The following L3MBTL4 variants were observed in gnomAD, a reference collection of about 807,000 sequenced individuals.
The protein encoded by L3MBTL4 is lethal(3)malignant brain tumor-like protein 4.
In L3MBTL4, 70 loss-of-function variants were observed where a neutral mutation model predicts 84.5. That is an observed-to-expected ratio of 0.83 (90% confidence interval 0.68 to 1.01). The LOEUF is 1.01. Ranked by LOEUF, L3MBTL4 falls within the 50% of genes least tolerant of loss-of-function variation. The probability of loss-of-function intolerance (pLI) is 0.00; values close to 1 mark genes in which losing one functional copy is unlikely to be tolerated. For synonymous variants in L3MBTL4, 274 were observed against 259.8 expected (o/e 1.05, Z -0.52); for missense variants, 715 against 754.8 (o/e 0.95, Z 0.62).
intron 16 of L3MBTL4, chr18:6,030,379 C>T (rs898062947): frequency 2.0e-6 from 2 of 985,210 alleles, no homozygotes; most frequent in African/African-American, 1.7e-5. Context: ...GAGAATTAGA[C>T]TGTGAAATGA....
chr18:6,270,110 CA>C (rs1398201956), intron 4 of L3MBTL4, among the ~76,000 whole-genome samples: 1 of 152,174 alleles, frequency 6.6e-6, no homozygotes, highest in Non-Finnish European at 1.5e-5. Context: ...CAACCAACCA[CA>C]CTGTTATAAA....
intron 16 of L3MBTL4, among the ~76,000 whole-genome samples, chr18:6,080,658 G>C (rs1276796186): frequency 2.0e-5 from 3 of 152,192 alleles, no homozygotes; most frequent in African/African-American, 7.2e-5. Context: ...AGAGATCATA[G>C]AGTCCAGTCC....
intron 16 of L3MBTL4, among the ~76,000 whole-genome samples, chr18:6,023,135 C>T (rs1653371685): frequency 6.6e-6 from 1 of 152,208 alleles, no homozygotes; most frequent in Admixed American, 6.5e-5. Context: ...CTGTTTCCTG[C>T]TCCTTTCCAG....
intron 5 of L3MBTL4, among the ~76,000 whole-genome samples, chr18:6,261,681 G>C (rs917534747): frequency 6.6e-6 from 1 of 152,180 alleles, no homozygotes; most frequent in Non-Finnish European, 1.5e-5. Flanking sequence ...AATCCCACGT[G>C]TGTTCTTTTG....
rs117312693 is a variant in L3MBTL4, at chr18:6,201,097, A to G, written c.981+12052T>C. Among the ~76,000 whole-genome samples, 421 of 152,344 alleles carry G rather than the reference A, an allele frequency of 2.8e-3. 1 individual carries two copies. The highest frequency in any genetic ancestry group is 4.6e-3 in the Non-Finnish European group (315 of 68,028). On this transcript the variant is annotated intron_variant, in intron 12 of 18. Coordinates refer to ENST00000317931, the MANE Select transcript of L3MBTL4 (RefSeq NM_001330559.2). Reference sequence around the variant, plus strand: ...GTACTCGGGTAATCAAGGGATAAAAATGCTCCTTCCACTAACTTACATTCT... The same window carrying G: ...GTACTCGGGTAATCAAGGGATAAAAGTGCTCCTTCCACTAACTTACATTCT...
intron 12 of L3MBTL4, among the ~76,000 whole-genome samples, chr18:6,176,748 G>A (rs1222749566): frequency 6.6e-6 from 1 of 151,728 alleles, no homozygotes; most frequent in African/African-American, 2.4e-5. Flanking sequence ...AAATCACCAA[G>A]AAAAATATGA....
Position 6,139,355 on chromosome 18 carries a change from T to C in L3MBTL4, c.1097-1059A>G, listed in dbSNP as rs185423146. The stretch of plus-strand genomic sequence containing the variant: ...GTACTATATACCGTACTGTACTGCA[T>C]TGCAATGCACTGTACTCTAACCATG... On this transcript the variant is annotated intron_variant, in intron 13 of 18. Transcript: ENST00000317931. 3.4e-4 allele frequency among the ~76,000 whole-genome samples: 51 copies of C among 152,208 alleles called. 1 individual carries two copies. The highest frequency in any genetic ancestry group is 3.4e-3 in the Middle Eastern group (1 of 294).
At chr18:6,204,921 G>A (rs1167367197) in intron 12 of L3MBTL4, among the ~76,000 whole-genome samples, 1 of 152,214 alleles carries the variant, frequency 6.6e-6, no homozygotes, top group Non-Finnish European at 1.5e-5. Context: ...AAGGAAAGCT[G>A]TTGATTACAC....
rs951867640 is a variant in L3MBTL4, at chr18:6,239,958, G to A, written c.553-86C>T. 3.5e-6 allele frequency: 5 copies of A among 1,431,880 alleles called. No individual in the cohort carries two copies. The Admixed American group carries it at 5.4e-5, about 16-fold the overall frequency. The allele number at this position is 1,431,880 out of a possible 1,614,324, so 88.7% of individuals were successfully genotyped here. On this transcript the variant is annotated intron_variant, in intron 8 of 18. Coordinates refer to ENST00000317931, the MANE Select transcript of L3MBTL4 (RefSeq NM_001330559.2). ...GCCACTGTCAAAACTTCTATGTTTA[G>A]CAACAGCAAAGTCTACAGGTGTCAG...
intron 16 of L3MBTL4, among the ~76,000 whole-genome samples, chr18:6,050,630 A>C (rs2056803929): frequency 6.6e-6 from 1 of 152,180 alleles, no homozygotes; most frequent in African/African-American, 2.4e-5. Context: ...GTGTGCTCTC[A>C]TATTTTCTAT....
chr18:6,185,488 T>C (rs2044681826), intron 12 of L3MBTL4, among the ~76,000 whole-genome samples: 1 of 152,176 alleles, frequency 6.6e-6, no homozygotes, highest in South Asian at 2.1e-4. Context: ...GGCTGCAGGC[T>C]GGCAGTGGCT....
intron 14 of L3MBTL4, among the ~76,000 whole-genome samples, chr18:6,117,168 G>T (rs553623440): frequency 4.6e-5 from 7 of 152,344 alleles, no homozygotes; most frequent in Non-Finnish European, 8.8e-5. Flanking sequence ...TAGAATGGAA[G>T]AGACTGAGGG....
intron 17 of L3MBTL4, among the ~76,000 whole-genome samples, chr18:5,968,911 C>T (rs904502086): frequency 2.0e-5 from 3 of 152,088 alleles, no homozygotes; most frequent in Non-Finnish European, 1.5e-5. Flanking sequence ...GCAGCAGGGG[C>T]CTGCTCTGCC....
chr18:6,259,805 G>T (rs2048318330), intron 5 of L3MBTL4: 1 of 152,078 alleles, frequency 6.6e-6, no homozygotes. Context: ...GGTCTCAGTT[G>T]TCAAATTTTG....
At chr18:6,286,154 T>G (rs1441650204) in intron 4 of L3MBTL4, among the ~76,000 whole-genome samples, 1 of 149,992 alleles carries the variant, frequency 6.7e-6, no homozygotes, top group Non-Finnish European at 1.5e-5. Context: ...AAACAATACC[T>G]AACATTTCCC....
At chr18:6,210,440 T>A (rs1219087323) in intron 12 of L3MBTL4, among the ~76,000 whole-genome samples, 1 of 152,208 alleles carries the variant, frequency 6.6e-6, no homozygotes, top group Non-Finnish European at 1.5e-5. Flanking sequence ...TGCTATAAGC[T>A]CTAGAGTTGA....
At chr18:6,383,005 C>G (rs2054660464) in intron 1 of L3MBTL4, among the ~76,000 whole-genome samples, 1 of 152,074 alleles carries the variant, frequency 6.6e-6, no homozygotes, top group African/African-American at 2.4e-5. Flanking sequence ...TTCAGAGATG[C>G]CCTGCCCAGA....
chr18:6,167,239 AC>A (rs1334716209), intron 13 of L3MBTL4, among the ~76,000 whole-genome samples: 1 of 152,218 alleles, frequency 6.6e-6, no homozygotes, highest in East Asian at 1.9e-4. Context: ...GCTGAATTCT[AC>A]CAGAGGTACA....
rs1449386048 is a variant in L3MBTL4, at chr18:6,099,127, C to T, written c.1200-5599G>A. On this transcript the variant is annotated intron_variant, in intron 14 of 18. Transcript: ENST00000317931. ...AGCTGCACGCAGCATGACCACCTCC[C>T]GCCCCGGGAAAGCAATGCCTTCCCC... Among the ~76,000 whole-genome samples, 9 of 152,274 alleles carry T rather than the reference C, an allele frequency of 5.9e-5. No homozygotes were observed. In the South Asian group the frequency reaches 8.3e-4, roughly 14 times the overall value.
Sources: allele counts gnomAD v4.1 joint callset (sites outside exome capture counted in the v4.1 genomes callset), GRCh38; gene constraint gnomAD v4.1.1; transcripts MANE v1.5; gene names NCBI Gene and HGNC (gene_info 2026-07-23, HGNC 2026-07-21).